PCDHGB3: variants seen among roughly 807,000 people sequenced by gnomAD.
PCDHGB3 encodes the protein protocadherin gamma-B3.
PCDHGB3 carries 40 observed loss-of-function variants against 59.2 expected under a neutral mutation model. That is an observed-to-expected ratio of 0.68 (90% CI 0.52 to 0.88). PCDHGB3 has a LOEUF of 0.88. Ranked by LOEUF, PCDHGB3 falls within the 40% of genes least tolerant of loss-of-function variation. PCDHGB3 has a pLI of 0.00. For synonymous variants in PCDHGB3, 581 were observed against 503.6 expected, an observed-to-expected ratio of 1.15 and a Z score of -2.06; for missense variants, 1,309 against 1,187.9, an observed-to-expected ratio of 1.10 and a Z score of -1.50.
At chr5:141,498,921 AG>A (rs1289139995) in intron 2 of PCDHGB3, among the ~76,000 whole-genome samples, 1 of 140,074 alleles carries the variant, frequency 7.1e-6, no homozygotes, top group Non-Finnish European at 1.6e-5. Flanking sequence ...TGACAGAGCG[AG>A]ACTCCATCAG....
intron 1 of PCDHGB3, chr5:141,404,260 T>G: frequency 6.2e-7 from 1 of 1,613,910 alleles, no homozygotes; most frequent in Non-Finnish European, 8.5e-7. Context: ...CCACAGAAAT[T>G]CACATCACCC....
Position 141,371,345 on chromosome 5 carries a change from T to A in PCDHGB3, c.951T>A (p.Ile317=). ...LDFEERDSYT[I]GVEAKDGGHH... is the part of the protein sequence containing the mutation. Reference sequence around the variant, plus strand: ...TTGAAGAGAGAGATAGCTACACAATTGGGGTGGAAGCAAAGGATGGTGGAC... The same window carrying A: ...TTGAAGAGAGAGATAGCTACACAATAGGGGTGGAAGCAAAGGATGGTGGAC... The change falls in exon 1 of 4, where the codon ATT becomes ATA. Residue 317 remains isoleucine (I), a synonymous_variant. Coordinates refer to ENST00000576222, the MANE Select transcript of PCDHGB3 (RefSeq NM_018924.5). The A allele has an allele frequency of 6.2e-7, 1 of 1,613,878 alleles. No individual in the cohort carries two copies. The highest frequency in any genetic ancestry group is 8.5e-7 in the Non-Finnish European group (1 of 1,179,860).
rs1360494290 is a variant in PCDHGB3 at position 141,433,285 on chromosome 5, C to T, written c.2415+60476C>T. On this transcript the variant is annotated intron_variant, in intron 1 of 3. Coordinates refer to ENST00000576222, the MANE Select transcript of PCDHGB3 (RefSeq NM_018924.5). ...CATAGCTCACTGCAGCCTCAAACTCCTAGGCTCAAGCAATTATCCCACCTT... is the reference window on the plus strand; with the variant it reads ...CATAGCTCACTGCAGCCTCAAACTCTTAGGCTCAAGCAATTATCCCACCTT... The T allele has an allele frequency of 6.8e-6, 8 of 1,169,708 alleles. No individual in the cohort carries two copies. In the East Asian group the frequency reaches 1.7e-4, roughly 25 times the overall value. The allele number at this position is 1,169,708 out of a possible 1,614,324, so 72.5% of individuals were successfully genotyped here. A position where few individuals can be genotyped will look rare whatever the true frequency, so the allele number is the denominator to read the frequency against.
chr5:141,489,846 T>C lies in PCDHGB3; in HGVS notation c.2416-4961T>C. The C allele has an allele frequency of 6.2e-7, 1 of 1,614,190 alleles. No individual in the cohort carries two copies. The highest frequency in any genetic ancestry group is 1.1e-5 in the South Asian group (1 of 91,088). ...TGGTGCTAGAGCAGCAGCTGGATCG[T>C]GAAGCCCAGGCAAGACATCAGCTGG... is the stretch of plus-strand genomic sequence containing the variant. On this transcript the variant is annotated intron_variant, in intron 1 of 3. Coordinates refer to ENST00000576222, the MANE Select transcript of PCDHGB3 (RefSeq NM_018924.5). This position sits in a 1 kb window ranked among gnomAD's most constrained non-coding sequence, Gnocchi z 4.5.
chr5:141,448,179 G>C (rs763996329), intron 1 of PCDHGB3, among the ~76,000 whole-genome samples: 1 of 151,982 alleles, frequency 6.6e-6, no homozygotes, highest in Non-Finnish European at 1.5e-5. Context: ...ATTCATCCCT[G>C]GTTATGTACA....
rs763676784 is a variant in PCDHGB3 at position 141,374,276 on chromosome 5, C to A, written c.2415+1467C>A. The A allele has an allele frequency of 4.3e-6, 7 of 1,613,974 alleles. No individual in the cohort carries two copies. In the Admixed American group the frequency reaches 8.3e-5, roughly 19 times the overall value. On this transcript the variant is annotated intron_variant, in intron 1 of 3. Transcript: ENST00000576222. ...CCAGGAGTTGGCGGAGCACGGAGTC[C>A]GCATCGTCTCCAGAGGTAGGATGCA...
intron 1 of PCDHGB3, chr5:141,441,621 G>T: frequency 4.5e-6 from 1 of 223,408 alleles, no homozygotes; most frequent in South Asian, 5.2e-5. Context: ...CGTGGCCAGT[G>T]ACCTGGAGCC....
chr5:141,415,149 C>T, intron 1 of PCDHGB3: 1 of 1,613,796 alleles, frequency 6.2e-7, no homozygotes, highest in Middle Eastern at 1.6e-4. Context: ...AGCCCCCTCT[C>T]TCCGCCACTG....
chr5:141,395,819 T>A (rs2093315125), intron 1 of PCDHGB3: 1 of 152,210 alleles, frequency 6.6e-6, no homozygotes, highest in Admixed American at 6.5e-5. Context: ...ATGAACAAAC[T>A]TTAAAGATGG....
chr5:141,498,273 A>G (rs1595516143), intron 2 of PCDHGB3, among the ~76,000 whole-genome samples: 1 of 152,038 alleles, frequency 6.6e-6, no homozygotes, highest in East Asian at 1.9e-4. Flanking sequence ...TCTTCAGTAA[A>G]CTTGGTTCAA....
In PCDHGB3 at chr5:141,485,089, G is replaced by C; in HGVS notation, c.2416-9718G>C. 9.7e-7 allele frequency: 1 copy of C among 1,027,236 alleles called. No individual in the cohort carries two copies. The highest frequency in any genetic ancestry group is 1.5e-6 in the Non-Finnish European group (1 of 674,564). The allele number at this position is 1,027,236 out of a possible 1,614,324, so 63.6% of individuals were successfully genotyped here. On this transcript the variant is annotated intron_variant, in intron 1 of 3. Coordinates refer to ENST00000576222, the MANE Select transcript of PCDHGB3 (RefSeq NM_018924.5). This position sits in a 1 kb window ranked among gnomAD's most constrained non-coding sequence, Gnocchi z 5.7. ...GAGCTGGCGCGGGGAAAGGGAGATA[G>C]GTGTCTCCAGCTGCTGTGGCTGTTT... is the stretch of plus-strand genomic sequence containing the variant.
At chr5:141,413,115 A>C in intron 1 of PCDHGB3, 1 of 1,507,478 alleles carries the variant, frequency 6.6e-7, no homozygotes, top group Non-Finnish European at 8.9e-7. Context: ...AGACAAAGGA[A>C]CCGGTTGAAA....
intron 2 of PCDHGB3, among the ~76,000 whole-genome samples, chr5:141,501,526 G>A (rs2099809738): frequency 6.6e-6 from 1 of 151,962 alleles, no homozygotes; most frequent in Non-Finnish European, 1.5e-5. Context: ...CTGAAGCCCA[G>A]TACGTTGTTG....
intron 1 of PCDHGB3, among the ~76,000 whole-genome samples, chr5:141,464,193 A>C (rs991769179): frequency 1.3e-5 from 2 of 149,674 alleles, no homozygotes; most frequent in Non-Finnish European, 3.0e-5. Flanking sequence ...TGATTTCAGG[A>C]GGCGGAGATT....
intron 1 of PCDHGB3, chr5:141,389,725 TC>T (rs756659208): frequency 1.2e-6 from 2 of 1,612,726 alleles, no homozygotes; most frequent in East Asian, 4.5e-5. Flanking sequence ...GAGCCCGGGC[TC>T]TTCAGCCTGG....
At chr5:141,444,865 G>A (rs1038923777) in intron 1 of PCDHGB3, among the ~76,000 whole-genome samples, 1 of 152,098 alleles carries the variant, frequency 6.6e-6, no homozygotes, top group Non-Finnish European at 1.5e-5. Flanking sequence ...TCTTACTACA[G>A]GACAAAGCTT....
chr5:141,489,150 T>C lies in PCDHGB3; in HGVS notation c.2416-5657T>C. The C allele has an allele frequency of 1.7e-5, 15 of 862,654 alleles. No individual in the cohort carries two copies. Among genetic ancestry groups the C allele is most frequent in the Middle Eastern group, 2.5e-4 (1 of 4,044 alleles). 53.4% of individuals were successfully genotyped at this position (862,654 alleles called of 1,614,324 possible). On this transcript the variant is annotated intron_variant, in intron 1 of 3. Transcript: ENST00000576222. The surrounding 1 kb of genome is among the most constrained non-coding windows in gnomAD (Gnocchi z 4.5). ...GTTTTTAAGAGGCTGGAAGGAGACA[T>C]AAGAGACTTCAGCTGCTGCATTCCA...
chr5:141,489,610 C>G lies in PCDHGB3; in HGVS notation c.2416-5197C>G, dbSNP rs142775705. 3,083 of 1,614,088 alleles carry G rather than the reference C, an allele frequency of 1.9e-3. 6 individuals are homozygous for G. Among genetic ancestry groups the G allele is most frequent in the Non-Finnish European group, 2.4e-3 (2,793 of 1,179,988 alleles). ...GCTAATCCGTGTAGAGGTAGAGATC[C>G]TGGATCTCAATGACAACTCTCCTAG... On this transcript the variant is annotated intron_variant, in intron 1 of 3. Transcript: ENST00000576222. The surrounding 1 kb of genome is among the most constrained non-coding windows in gnomAD (Gnocchi z 4.5).
intron 1 of PCDHGB3, chr5:141,400,276 C>T: frequency 6.2e-7 from 1 of 1,614,048 alleles, no homozygotes; most frequent in Non-Finnish European, 8.5e-7. Flanking sequence ...CTCCTCCAGC[C>T]CTGCCGCCTG....
Sources: allele counts gnomAD v4.1 joint callset (sites outside exome capture counted in the v4.1 genomes callset), GRCh38; gene constraint gnomAD v4.1.1; non-coding constraint Gnocchi (gnomAD v3.1); transcripts MANE v1.5; gene names NCBI Gene and HGNC (gene_info 2026-07-23, HGNC 2026-07-21).